The following TASP1 variants were observed in gnomAD, a reference collection of about 807,000 sequenced individuals.
TASP1 encodes the protein threonine aspartase 1.
Under a neutral mutation model 56.6 loss-of-function variants are expected in TASP1, and 16 were observed. The ratio of observed to expected loss-of-function variants is 0.28; its 90% CI spans 0.19 to 0.43. The LOEUF (loss-of-function observed/expected upper bound fraction) is 0.43. Among genes scored for constraint, TASP1 ranks in the 20% least tolerant of loss-of-function variants. The pLI is 1.00. For synonymous variants in TASP1, 179 were observed against 184.2 expected, an observed-to-expected ratio of 0.97 and a Z score of 0.23; for missense variants, 393 against 511.6, an observed-to-expected ratio of 0.77 and a Z score of 2.24.
chr20:13,306,564 C>CCA, the TASP1 span, among the ~76,000 whole-genome samples: 24 of 63,914 alleles, frequency 3.8e-4, no homozygotes, highest in Non-Finnish European at 1.8e-4. Context: ...GGAGAAAGGA[C>CCA]AAAAAAAAAA....
chr20:13,170,082 G>A, the TASP1 span, among the ~76,000 whole-genome samples: 1 of 152,100 alleles, frequency 6.6e-6, no homozygotes, highest in Admixed American at 6.6e-5. Flanking sequence ...TGTCTTGAAG[G>A]ACAATAAAGC....
At chr20:13,339,855 T>C in the TASP1 span, among the ~76,000 whole-genome samples, 2 of 152,014 alleles carry the variant, frequency 1.3e-5, 1 homozygote, top group South Asian at 4.1e-4. Flanking sequence ...ATGAAAACAG[T>C]TAGGTTGAAG....
chr20:13,223,285 T>G, the TASP1 span, among the ~76,000 whole-genome samples: 1 of 152,126 alleles, frequency 6.6e-6, no homozygotes, highest in Non-Finnish European at 1.5e-5. Context: ...TTTTACATCT[T>G]TATACAATTT....
At chr20:13,445,075 T>A (rs1357218224) in intron 11 of TASP1, among the ~76,000 whole-genome samples, 2 of 152,154 alleles carry the variant, frequency 1.3e-5, no homozygotes, top group African/African-American at 4.8e-5. Context: ...ATTTAAAAGA[T>A]AGGAAGAGTC....
intron 11 of TASP1, among the ~76,000 whole-genome samples, chr20:13,443,183 C>G (rs1324971671): frequency 4.6e-5 from 7 of 152,198 alleles, no homozygotes; most frequent in African/African-American, 1.4e-4. Context: ...TCTTCTACAA[C>G]AGCTGGAACC....
intron 11 of TASP1, among the ~76,000 whole-genome samples, chr20:13,456,323 C>G (rs1463739760): frequency 1.3e-5 from 2 of 152,090 alleles, no homozygotes; most frequent in African/African-American, 4.8e-5. Flanking sequence ...GAAGACTTCA[C>G]CAGAGAGTCC....
chr20:13,198,993 A>G, the TASP1 span, among the ~76,000 whole-genome samples: 2 of 150,164 alleles, frequency 1.3e-5, no homozygotes, highest in East Asian at 2.0e-4. Flanking sequence ...GCAGCCTCCA[A>G]CTCCTGGGCT....
the TASP1 span, among the ~76,000 whole-genome samples, chr20:13,280,400 C>G: frequency 3.2e-3 from 472 of 147,844 alleles, 6 homozygotes; most frequent in African/African-American, 0.01. Context: ...AACCCCCCCC[C>G]CCCAATACAT....
At chr20:13,562,964 G>A (rs1428503989) in intron 7 of TASP1, among the ~76,000 whole-genome samples, 6 of 134,610 alleles carry the variant, frequency 4.5e-5, no homozygotes, top group Admixed American at 1.5e-4. Flanking sequence ...ATGTGTATAC[G>A]TGCGTATGTA....
the TASP1 span, among the ~76,000 whole-genome samples, chr20:13,349,767 G>T: frequency 6.6e-6 from 1 of 152,122 alleles, no homozygotes; most frequent in Non-Finnish European, 1.5e-5. Context: ...AAGGTCACGG[G>T]ATACAAGATC....
chr20:13,591,550 C>T (rs1288965295), intron 4 of TASP1, among the ~76,000 whole-genome samples: 1 of 152,082 alleles, frequency 6.6e-6, no homozygotes, highest in Non-Finnish European at 1.5e-5. Context: ...GATAATTTTT[C>T]ACCAGCAAAC....
intron 12 of TASP1, among the ~76,000 whole-genome samples, chr20:13,428,702 T>C (rs1323022038): frequency 6.6e-6 from 1 of 152,216 alleles, no homozygotes; most frequent in Non-Finnish European, 1.5e-5. Context: ...TACAAGGCTA[T>C]TTGCAGAGAC....
At chr20:13,462,365 C>T (rs1021986313) in intron 11 of TASP1, among the ~76,000 whole-genome samples, 4 of 152,014 alleles carry the variant, frequency 2.6e-5, no homozygotes, top group Non-Finnish European at 5.9e-5. Flanking sequence ...ATTTAAATAG[C>T]CAGATGTGAC....
chr20:13,609,540 T>A (rs935938148), intron 4 of TASP1, among the ~76,000 whole-genome samples: 6 of 151,848 alleles, frequency 4.0e-5, no homozygotes, highest in African/African-American at 1.5e-4. Context: ...TTTTAAAAAT[T>A]AGTCGGGCAT....
At chr20:13,439,514 G>A (rs1232296113) in intron 11 of TASP1, among the ~76,000 whole-genome samples, 1 of 152,116 alleles carries the variant, frequency 6.6e-6, no homozygotes, top group African/African-American at 2.4e-5. Context: ...TGTGGGGTCG[G>A]GGGAGTGGGG....
the TASP1 span, chr20:13,279,649 G>A: frequency 1.2e-6 from 2 of 1,613,650 alleles, no homozygotes; most frequent in South Asian, 2.2e-5. Context: ...CATAGAGGTG[G>A]TCGACGGTCC....
At chr20:13,455,998 C>A (rs1275384012) in intron 11 of TASP1, among the ~76,000 whole-genome samples, 9 of 152,100 alleles carry the variant, frequency 5.9e-5, no homozygotes, top group Admixed American at 2.0e-4. Context: ...GCAGAGCTTT[C>A]AATGGGAATT....
the TASP1 span, among the ~76,000 whole-genome samples, chr20:13,240,764 A>C: frequency 6.6e-6 from 1 of 152,170 alleles, no homozygotes; most frequent in African/African-American, 2.4e-5. Context: ...ACCAGGGTAG[A>C]GAAGAGTGGA....
the TASP1 span, among the ~76,000 whole-genome samples, chr20:13,273,937 G>A: frequency 6.6e-6 from 1 of 152,156 alleles, no homozygotes; most frequent in Non-Finnish European, 1.5e-5. Flanking sequence ...ATTGTGGTGC[G>A]TTTCTGGCCT....
Sources: allele counts gnomAD v4.1 joint callset (sites outside exome capture counted in the v4.1 genomes callset), GRCh38; gene constraint gnomAD v4.1.1; transcripts MANE v1.5; gene names NCBI Gene and HGNC (gene_info 2026-07-23, HGNC 2026-07-21).